TAT: variants seen among roughly 807,000 people sequenced by gnomAD.
TAT encodes L-tyrosine:2-oxoglutarate aminotransferase.
In TAT, 35 loss-of-function variants were observed where a neutral mutation model predicts 53.6. That is an observed-to-expected ratio of 0.65 (90% CI 0.50 to 0.87). The LOEUF (loss-of-function observed/expected upper bound fraction) is 0.87. Among genes scored for constraint, TAT ranks in the 40% least tolerant of loss-of-function variants. The probability of loss-of-function intolerance (pLI) is 0.00; values close to 1 mark genes in which losing one functional copy is unlikely to be tolerated. For synonymous variants in TAT, 197 were observed against 206.5 expected, an observed-to-expected ratio of 0.95 and a Z score of 0.39; for missense variants, 525 against 571.8, an observed-to-expected ratio of 0.92 and a Z score of 0.83.
At position 71,576,324 on chromosome 16, in the gene TAT, G is replaced by T. The variant is rs767941301; in HGVS notation, c.92C>A (p.Pro31Gln). 2 of 1,614,086 alleles carry T rather than the reference G, an allele frequency of 1.2e-6. No homozygotes were observed. The highest frequency in any genetic ancestry group is 2.2e-5 in the South Asian group (2 of 91,066). ...GGCCTTTCTGCCTTTCATTTTTCCC[G>T]GCACAGAGCTTCTCCCACCAACGTT... ...HVNVGGRSSV[P>Q]GKMKGRKARW... Residue 31 changes from proline to glutamine, a missense_variant, in exon 2 of 12, where the codon CCG (proline) becomes CAG (glutamine). Coordinates refer to ENST00000355962, the MANE Select transcript of TAT (RefSeq NM_000353.3).
chr16:71,567,826 T>C lies in TAT; in HGVS notation c.*318A>G. The C allele has an allele frequency of 2.7e-6, 1 of 371,198 alleles. No individual in the cohort carries two copies. 23.0% of individuals were successfully genotyped at this position (371,198 alleles called of 1,614,324 possible). A position where few individuals can be genotyped will look rare whatever the true frequency, so the allele number is the denominator to read the frequency against. ...CTCATCCTGAGCTCTTATTTTCTTG[T>C]CTCAACTGCTTTCTGGTAAACTTTG... On this transcript the variant is annotated 3_prime_UTR_variant, in exon 12 of 12. Coordinates refer to ENST00000355962, the MANE Select transcript of TAT (RefSeq NM_000353.3).
chr16:71,567,497 A>C lies in TAT; in HGVS notation c.*647T>G, dbSNP rs1290746778. 1 of 152,290 alleles carries C rather than the reference A, an allele frequency of 6.6e-6. No individual in the cohort carries two copies. The highest frequency in any genetic ancestry group is 1.5e-5 in the Non-Finnish European group (1 of 68,132). 9.4% of individuals were successfully genotyped at this position (152,290 alleles called of 1,614,324 possible). The stretch of plus-strand genomic sequence containing the variant: ...AAAAAAGAAAGCCTGATGCACACAA[A>C]TCTAAATTTGGCAAGTCGATCAATT... On this transcript the variant is annotated 3_prime_UTR_variant, in exon 12 of 12. Transcript: ENST00000355962.
At chr16:71,569,571 G>A (rs951522298) in intron 10 of TAT, among the ~76,000 whole-genome samples, 5 of 152,132 alleles carry the variant, frequency 3.3e-5, no homozygotes, top group Non-Finnish European at 7.4e-5. Context: ...TAACTCCTGC[G>A]CTCAAGTGAT....
chr16:71,568,324 T>C (rs1329789364), intron 11 of TAT, 40 bp from the exon 12 acceptor site: 1 of 1,610,824 alleles, frequency 6.2e-7, no homozygotes, highest in East Asian at 2.2e-5. Context: ...AGCAATTGAG[T>C]CTGGTACTGG....
At chr16:71,575,122 TA>T (rs1233381870) in intron 3 of TAT, 1 of 152,242 alleles carries the variant, frequency 6.6e-6, no homozygotes. Context: ...TGAAACTTTA[TA>T]AAATGTAAGT....
At position 71,576,042 on chromosome 16, in the gene TAT, A is replaced by G; in HGVS notation, c.236-16T>C. The G allele has an allele frequency of 1.2e-6, 2 of 1,613,872 alleles. No individual in the cohort carries two copies. Among genetic ancestry groups the G allele is most frequent in the Non-Finnish European group, 1.7e-6 (2 of 1,179,788 alleles). On this transcript the variant is annotated splice_polypyrimidine_tract_variant and intron_variant, in intron 2 of 11. Coordinates refer to ENST00000355962, the MANE Select transcript of TAT (RefSeq NM_000353.3). Reference sequence around the variant, plus strand: ...GTAGGGTCCCCTTTTTATGGGAGGAAAACACAAAAGGAGCCAAGAGGTTAT... The same window carrying G: ...GTAGGGTCCCCTTTTTATGGGAGGAGAACACAAAAGGAGCCAAGAGGTTAT...
intron 2 of TAT, 22 bp from the exon 3 acceptor site, chr16:71,576,048 A>C (rs368595359): frequency 8.3e-5 from 134 of 1,613,312 alleles, no homozygotes; most frequent in Non-Finnish European, 1.1e-4. Context: ...AGGAAAACAC[A>C]AAAGGAGCCA....
chr16:71,566,854 TG>T lies in TAT; in HGVS notation c.*1289del, dbSNP rs1481269983. 4.0e-5 allele frequency: 6 copies of T among 151,286 alleles called. No homozygotes were observed. Among genetic ancestry groups the T allele is most frequent in the Admixed American group, 1.3e-4 (2 of 15,210 alleles). The allele number at this position is 151,286 out of a possible 1,614,324, so 9.4% of individuals were successfully genotyped here. A position where few individuals can be genotyped will look rare whatever the true frequency, so the allele number is the denominator to read the frequency against. On this transcript the variant is annotated 3_prime_UTR_variant, in exon 12 of 12. Transcript: ENST00000355962. Reference sequence around the variant, plus strand: ...AAACACATCACAGAAGAGCCATACTTGGTGAAATTTATTAAAAAAAAAAAAA... The same window carrying T: ...AAACACATCACAGAAGAGCCATACTTGTGAAATTTATTAAAAAAAAAAAAA...
intron 7 of TAT, 86 bp from the exon 8 acceptor site, chr16:71,570,917 A>G: frequency 6.7e-7 from 1 of 1,500,242 alleles, no homozygotes; most frequent in South Asian, 1.2e-5. Context: ...ATTTCCTTCT[A>G]TCACTAGGGA....
In TAT at chr16:71,566,317, T is replaced by C. The variant is rs564257349; in HGVS notation, c.*1827A>G. ...AGGGTTGAGACCTGAAGTTCCTCTT[T>C]TAGATAAGGAAAATTTCCCTTGGTG... On this transcript the variant is annotated 3_prime_UTR_variant, in exon 12 of 12. Transcript: ENST00000355962. The C allele has an allele frequency of 2.6e-5, 4 of 152,234 alleles. No homozygotes were observed. The East Asian group carries it at 5.8e-4, about 22-fold the overall frequency. The allele number at this position is 152,234 out of a possible 1,614,324, so 9.4% of individuals were successfully genotyped here.
chr16:71,569,912 G>A lies in TAT; in HGVS notation c.1067C>T (p.Ala356Val), dbSNP rs752605382. The change falls in exon 10 of 12, where the codon GCG becomes GTG. Residue 356 changes from alanine to valine, a missense_variant. Ala to Val is a moderately conservative substitution (Grantham distance 64, BLOSUM62 0). Transcript: ENST00000355962. The stretch of plus-strand genomic sequence containing the variant: ...CCGGAGTCCAGGGATGGCAGCCAAC[G>A]CCCCATAACAGAGATCAGCATTGGA... ...LKSNADLCYGALAAIPGLRPV... is the reference protein window; with the variant it reads ...LKSNADLCYGVLAAIPGLRPV... 9.3e-6 allele frequency: 15 copies of A among 1,613,744 alleles called. No homozygotes were observed. Among genetic ancestry groups the A allele is most frequent in the East Asian group, 2.2e-5 (1 of 44,882 alleles).
chr16:71,571,236 C>G (rs1441042784), intron 7 of TAT, among the ~76,000 whole-genome samples: 1 of 152,166 alleles, frequency 6.6e-6, no homozygotes, highest in South Asian at 2.1e-4. Flanking sequence ...AGCACACTTA[C>G]CATACGTTAT....
Position 71,576,387 on chromosome 16 carries a change from C to T in TAT, c.29G>A (p.Ser10Asn), listed in dbSNP as rs1261862376. 1.2e-6 allele frequency: 2 copies of T among 1,614,176 alleles called. No individual in the cohort carries two copies. The highest frequency in any genetic ancestry group is 3.3e-5 in the Admixed American group (2 of 60,016). Residue 10 changes from serine (S) to asparagine (N), a missense_variant, in exon 2 of 12, where the codon AGC (serine) becomes AAC (asparagine). Transcript: ENST00000355962. MDPYMIQMS[S>N]KGNLPSILDV... The stretch of plus-strand genomic sequence containing the variant: ...CAGAATTGAGGGGAGGTTGCCTTTG[C>T]TGCTCATCTGAATCATGTATGGGTC...
intron 9 of TAT, 75 bp from the exon 10 acceptor site, chr16:71,570,012 C>T: frequency 1.4e-6 from 2 of 1,414,534 alleles, no homozygotes; most frequent in Non-Finnish European, 2.0e-6. Context: ...AAAATAGCCC[C>T]CTCATTGAAG....
At position 71,575,705 on chromosome 16, in the gene TAT, C is replaced by T. The variant is rs1030464295; in HGVS notation, c.340+217G>A. 8 of 613,302 alleles carry T rather than the reference C, an allele frequency of 1.3e-5. No homozygotes were observed. In the East Asian group the frequency reaches 2.3e-4, roughly 17 times the overall value. The allele number at this position is 613,302 out of a possible 1,614,324, so 38.0% of individuals were successfully genotyped here. ...TTTGGGAGCCTAGAGGGGAAGTGCC[C>T]ATATGTCAAAGAAAGCCAGGAAAGA... On this transcript the variant is annotated intron_variant, in intron 3 of 11. Coordinates refer to ENST00000355962, the MANE Select transcript of TAT (RefSeq NM_000353.3).
chr16:71,573,408 C>T (rs1014016948), intron 4 of TAT, 131 bp downstream of exon 4: 4 of 833,362 alleles, frequency 4.8e-6, no homozygotes, highest in Non-Finnish European at 8.0e-6. Context: ...GAGAAGTCTT[C>T]TAATTGCTAA....
rs373941496 is a variant in TAT at position 71,571,673 on chromosome 16, T to C, written c.707-15A>G. On this transcript the variant is annotated splice_polypyrimidine_tract_variant and intron_variant, in intron 6 of 11. Transcript: ENST00000355962. ...CCGTGCAGCCACTGAAAATAAAACA[T>C]GCTGAAATCAGTTTTAATGTGAATT... is the stretch of plus-strand genomic sequence containing the variant. The C allele has an allele frequency of 3.0e-5, 48 of 1,613,226 alleles. No homozygotes were observed. The highest frequency in any genetic ancestry group is 3.8e-5 in the Non-Finnish European group (45 of 1,179,308).
In TAT at chr16:71,567,944, G is replaced by A; in HGVS notation, c.*200C>T. 3.1e-6 allele frequency: 2 copies of A among 638,662 alleles called. No individual in the cohort carries two copies. The highest frequency in any genetic ancestry group is 3.6e-5 in the South Asian group (2 of 55,992). The allele number at this position is 638,662 out of a possible 1,614,324, so 39.6% of individuals were successfully genotyped here. A position where few individuals can be genotyped will look rare whatever the true frequency, so the allele number is the denominator to read the frequency against. On this transcript the variant is annotated 3_prime_UTR_variant, in exon 12 of 12. Transcript: ENST00000355962. Reference sequence around the variant, plus strand: ...GAGTCACTCTAGCAGCGCAGAGCAAGGGAGAATCTGCGATGTGAATGAGGA... The same window carrying A: ...GAGTCACTCTAGCAGCGCAGAGCAAAGGAGAATCTGCGATGTGAATGAGGA...
chr16:71,571,773 A>G lies in TAT; in HGVS notation c.707-115T>C, dbSNP rs867119908. ...AATATTAAGAAGTTACAATTCTTAA[A>G]GAGAAAGACAAAAAGCACAAGCAAA... On this transcript the variant is annotated intron_variant, in intron 6 of 11. Transcript: ENST00000355962. The G allele has an allele frequency of 2.3e-5, 24 of 1,062,250 alleles. No homozygotes were observed. In the African/African-American group the frequency reaches 2.8e-4, roughly 12 times the overall value. The allele number at this position is 1,062,250 out of a possible 1,614,324, so 65.8% of individuals were successfully genotyped here. A position where few individuals can be genotyped will look rare whatever the true frequency, so the allele number is the denominator to read the frequency against.
Sources: allele counts gnomAD v4.1 joint callset (sites outside exome capture counted in the v4.1 genomes callset), GRCh38; gene constraint gnomAD v4.1.1; transcripts MANE v1.5; gene names NCBI Gene and HGNC (gene_info 2026-07-23, HGNC 2026-07-21).